Variants in CYP4A11 observed in about 807,000 individuals in gnomAD.
CYP4A11 encodes the protein cytochrome P450 4A11.
In CYP4A11, 52 loss-of-function variants were observed where a neutral mutation model predicts 57.7. The observed-to-expected ratio is 0.90, with a 90% CI of 0.72 to 1.14. The LOEUF is 1.14. Ranked by LOEUF, CYP4A11 falls within the 50% of genes most tolerant of loss-of-function variation. CYP4A11 has a pLI of 0.00. For synonymous variants in CYP4A11, 228 were observed against 247.1 expected, an observed-to-expected ratio of 0.92 and a Z score of 0.72; for missense variants, 641 against 642.1, an observed-to-expected ratio of 1.00 and a Z score of 0.02.
At position 46,929,496 on chromosome 1, in the gene CYP4A11, TCAAA is replaced by T. The variant is rs746632544; in HGVS notation, c.*615_*618del. On this transcript the variant is annotated 3_prime_UTR_variant, in exon 12 of 12. Transcript: ENST00000310638. ...GGAAGTGCAGATTATTTATTGGTGA[TCAAA>T]CAAAGAAACAGGTGGTGAGAATGTG... 1 of 111,630 alleles carries T rather than the reference TCAAA, an allele frequency of 9.0e-6. No individual in the cohort carries two copies. Among genetic ancestry groups the T allele is most frequent in the African/African-American group, 3.0e-5 (1 of 33,778 alleles). 6.9% of individuals were successfully genotyped at this position (111,630 alleles called of 1,614,324 possible).
At position 46,931,745 on chromosome 1, in the gene CYP4A11, T is replaced by C. The variant is rs1210345480; in HGVS notation, c.1364+1016A>G. 3 of 659,322 alleles carry C rather than the reference T, an allele frequency of 4.6e-6. No homozygotes were observed. The African/African-American group carries it at 5.9e-5, about 13-fold the overall frequency. The allele number at this position is 659,322 out of a possible 1,614,324, so 40.8% of individuals were successfully genotyped here. ...GGAAGCTTTTTCTTAAAGCCTGTTCTGTGTAAGTGGACTCACCGTTTCAAA... is the reference window on the plus strand; with the variant it reads ...GGAAGCTTTTTCTTAAAGCCTGTTCCGTGTAAGTGGACTCACCGTTTCAAA... On this transcript the variant is annotated intron_variant, in intron 11 of 11. Transcript: ENST00000310638.
intron 1 of CYP4A11, chr1:46,940,577 G>T: frequency 1.4e-6 from 1 of 736,668 alleles, no homozygotes; most frequent in Non-Finnish European, 1.7e-6. Context: ...TCCTCACCTG[G>T]AGAACATTGT....
At chr1:46,937,211 T>A (rs1367298151) in intron 3 of CYP4A11, 91 bp downstream of exon 3, 11 of 1,431,358 alleles carry the variant, frequency 7.7e-6, no homozygotes, top group Non-Finnish European at 9.8e-6. Context: ...GTCATGATAG[T>A]GGTGGCCTCT....
At chr1:46,931,650 G>T (rs1417489033) in intron 11 of CYP4A11, 27 of 681,348 alleles carry the variant, frequency 4.0e-5, no homozygotes, top group Non-Finnish European at 4.9e-5. Flanking sequence ...GACATGATTT[G>T]CAGGCAATGT....
In CYP4A11 at chr1:46,934,257, G is replaced by T. The variant is rs541805813; in HGVS notation, c.1007C>A (p.Ala336Asp). Residue 336 changes from alanine (A) to aspartate (D), a missense_variant, in exon 8 of 12, where the codon GCT becomes GAT. By Grantham distance (126) the Ala-to-Asp change is moderately radical. Transcript: ENST00000310638. ...TASGISWILY[A>D]LATHPKHQER... The stretch of plus-strand genomic sequence containing the variant: ...CTGATGCTTGGGGTGTGTGGCCAGA[G>T]CATAGAGGATCCAGGAGATCCCACT... The T allele has an allele frequency of 6.2e-6, 10 of 1,613,518 alleles. No homozygotes were observed. The South Asian group carries it at 7.7e-5, about 12-fold the overall frequency.
Position 46,935,523 on chromosome 1 carries a change from C to A in CYP4A11, c.635G>T (p.Arg212Met). 1 of 1,613,564 alleles carries A rather than the reference C, an allele frequency of 6.2e-7. No homozygotes were observed. The highest frequency in any genetic ancestry group is 1.1e-5 in the South Asian group (1 of 90,958). Reference sequence around the variant, plus strand: ...CTGCAGCTGGAGGGTTGTCACTGACCTGTCCACCTGGATGCTGCCCTGATG... The same window carrying A: ...CTGCAGCTGGAGGGTTGTCACTGACATGTCCACCTGGATGCTGCCCTGATG... The part of the protein sequence containing the change: ...FSHQGSIQVD[R>M]NSQSYIQAIS... Residue 212 changes from arginine to methionine, a missense_variant and splice_region_variant, in exon 5 of 12, where the codon AGG (arginine) becomes ATG (methionine). Physicochemically the swap from Arg to Met is moderately conservative, Grantham distance 91. Transcript: ENST00000310638.
intron 3 of CYP4A11, 144 bp from the exon 4 acceptor site, chr1:46,936,935 G>A (rs1158576271): frequency 2.5e-5 from 36 of 1,413,278 alleles, no homozygotes; most frequent in African/African-American, 2.9e-5. Context: ...AAGAAGCCAC[G>A]TCATGGGCAA....
chr1:46,933,540 C>T (rs1477006113), intron 9 of CYP4A11, among the ~76,000 whole-genome samples: 1 of 152,194 alleles, frequency 6.6e-6, no homozygotes, highest in African/African-American at 2.4e-5. Context: ...ATCACTTTCT[C>T]TCTGCCATCA....
chr1:46,939,248 G>T (rs1390154862), intron 1 of CYP4A11, among the ~76,000 whole-genome samples: 1 of 152,184 alleles, frequency 6.6e-6, no homozygotes, highest in Non-Finnish European at 1.5e-5. Flanking sequence ...GAGGCAGCTT[G>T]CCCTACTGTG....
At position 46,930,264 on chromosome 1, in the gene CYP4A11, T is replaced by C; in HGVS notation, c.1411A>G (p.Thr471Ala). The C allele has an allele frequency of 6.2e-7, 1 of 1,613,960 alleles. No homozygotes were observed. The highest frequency in any genetic ancestry group is 1.1e-5 in the South Asian group (1 of 91,052). ...TCAAAGCGGAGCAGGGTCAGGGCCGTGGCCACCTTCAGCTCGTTCATGGCA... is the reference window on the plus strand; with the variant it reads ...TCAAAGCGGAGCAGGGTCAGGGCCGCGGCCACCTTCAGCTCGTTCATGGCA... ...QFAMNELKVA[T>A]ALTLLRFELL... is the part of the protein sequence containing the mutation. Residue 471 changes from threonine (T) to alanine (A), a missense_variant, in exon 12 of 12, where the codon ACG (threonine) becomes GCG (alanine). Transcript: ENST00000310638.
At chr1:46,937,520 G>T (rs1037516688) in intron 2 of CYP4A11, among the ~76,000 whole-genome samples, 174 bp from the exon 3 acceptor site, 3 of 152,210 alleles carry the variant, frequency 2.0e-5, no homozygotes, top group African/African-American at 7.2e-5. Context: ...CAGGAAGACA[G>T]ACTCAGTGTT....
At chr1:46,935,772 A>T in intron 4 of CYP4A11, 125 bp from the exon 5 acceptor site, 1 of 1,522,818 alleles carries the variant, frequency 6.6e-7, no homozygotes, top group Admixed American at 2.1e-5. Flanking sequence ...CTTGGTTGGG[A>T]TTCCTCACTT....
chr1:46,937,178 G>A (rs1430138309), intron 3 of CYP4A11, 124 bp downstream of exon 3: 3 of 1,200,368 alleles, frequency 2.5e-6, no homozygotes, highest in South Asian at 3.1e-5. Context: ...GAAGAAGGAA[G>A]TGAGGCTTGA....
At chr1:46,933,851 C>T (rs558224119) in intron 9 of CYP4A11, 95 bp downstream of exon 9, 2 of 1,541,256 alleles carry the variant, frequency 1.3e-6, no homozygotes, top group East Asian at 4.6e-5. Flanking sequence ...AAAGGGAGAC[C>T]CAGAGATGTG....
rs367769400 is a variant in CYP4A11 at position 46,934,990 on chromosome 1, A to G, written c.790+10T>C. 8.4e-5 allele frequency: 135 copies of G among 1,611,576 alleles called. No homozygotes were observed. In the Admixed American group the frequency reaches 9.2e-4, roughly 11 times the overall value. Reference sequence around the variant, plus strand: ...GGGAAAGGCTGGGAGACAAGAGGAAAAGACAGAACCTGTGTGCTGATGGGC... The same window carrying G: ...GGGAAAGGCTGGGAGACAAGAGGAAGAGACAGAACCTGTGTGCTGATGGGC... On this transcript the variant is annotated intron_variant, in intron 6 of 11. Coordinates refer to ENST00000310638, the MANE Select transcript of CYP4A11 (RefSeq NM_000778.4).
rs545726650 is a variant in CYP4A11, at chr1:46,941,390, A to G, written c.44T>C (p.Val15Ala). 532 of 1,614,170 alleles carry G rather than the reference A, an allele frequency of 3.3e-4. 8 individuals are homozygous for G. The South Asian group carries it at 5.5e-3, about 17-fold the overall frequency. ...GGAGGCCGCTTGGAGGATTCCAGAG[A>G]CATCACCCAGGAGTCTGCTGGGGCT... ...VLSPSRLLGD[V>A]SGILQAASLL... Residue 15 changes from valine to alanine, a missense_variant, in exon 1 of 12, where the codon GTC becomes GCC. By Grantham distance (64) the Val-to-Ala change is moderately conservative (BLOSUM62 0). Coordinates refer to ENST00000310638, the MANE Select transcript of CYP4A11 (RefSeq NM_000778.4).
At position 46,932,973 on chromosome 1, in the gene CYP4A11, G is replaced by C. The variant is rs1681119522; in HGVS notation, c.1287+10C>G. The C allele has an allele frequency of 6.2e-7, 1 of 1,614,050 alleles. No individual in the cohort carries two copies. The highest frequency in any genetic ancestry group is 8.5e-7 in the Non-Finnish European group (1 of 1,180,034). The stretch of plus-strand genomic sequence containing the variant: ...GATCACCTCATTTCCTCCTCTCAAG[G>C]ACCACATACCTCTGGGTTGGGCCAC... On this transcript the variant is annotated intron_variant, in intron 10 of 11. Transcript: ENST00000310638.
Position 46,931,611 on chromosome 1 carries a change from G to A in CYP4A11, c.1364+1150C>T, listed in dbSNP as rs1163031617. 1.2e-5 allele frequency: 8 copies of A among 692,542 alleles called. No homozygotes were observed. The Admixed American group carries it at 5.0e-4, about 44-fold the overall frequency. 42.9% of individuals were successfully genotyped at this position (692,542 alleles called of 1,614,324 possible). A position where few individuals can be genotyped will look rare whatever the true frequency, so the allele number is the denominator to read the frequency against. Reference sequence around the variant, plus strand: ...AATTCTGAGCTAGAAATGGACCTTAGGAATGCTCTCCAGTTCTCTAGTGGC... The same window carrying A: ...AATTCTGAGCTAGAAATGGACCTTAAGAATGCTCTCCAGTTCTCTAGTGGC... On this transcript the variant is annotated intron_variant, in intron 11 of 11. Transcript: ENST00000310638.
chr1:46,941,052 A>G (rs1479037683), intron 1 of CYP4A11, 187 bp downstream of exon 1: 2 of 960,968 alleles, frequency 2.1e-6, no homozygotes, highest in South Asian at 9.6e-5. Context: ...GACCAGCAGG[A>G]TGGGCTTCAT....
Sources: allele counts gnomAD v4.1 joint callset (sites outside exome capture counted in the v4.1 genomes callset), GRCh38; gene constraint gnomAD v4.1.1; transcripts MANE v1.5; gene names NCBI Gene and HGNC (gene_info 2026-07-23, HGNC 2026-07-21).